CC2D2B: variants seen among roughly 807,000 people sequenced by gnomAD.
The protein encoded by CC2D2B is coiled-coil and C2 domain containing 2B, also known as protein CC2D2B.
Under a neutral mutation model 161.2 loss-of-function variants are expected in CC2D2B, and 128 were observed. The ratio of observed to expected loss-of-function variants is 0.79; its 90% confidence interval spans 0.69 to 0.92. The LOEUF is 0.92. CC2D2B is among the 40% of genes least tolerant of loss of function. CC2D2B has a pLI of 0.00. For synonymous variants in CC2D2B, 391 were observed against 449.8 expected (o/e 0.87, Z 1.65); for missense variants, 1,173 against 1,375.1 (o/e 0.85, Z 2.32).
At chr10:95,958,916 TC>T (rs2141400024) in intron 11 of CC2D2B, among the ~76,000 whole-genome samples, 1 of 151,942 alleles carries the variant, frequency 6.6e-6, no homozygotes, top group Non-Finnish European at 1.5e-5. Context: ...ATCAGTACAC[TC>T]AAAAGTTGGA....
rs766936648 is a variant in CC2D2B, at chr10:96,004,199, A to G, written c.2897A>G (p.Asp966Gly). 6.4e-7 allele frequency: 1 copy of G among 1,556,402 alleles called. No homozygotes were observed. Among genetic ancestry groups the G allele is most frequent in the Non-Finnish European group, 8.7e-7 (1 of 1,152,348 alleles). The change falls in exon 25 of 35, where the codon GAT (aspartate) becomes GGT (glycine). Residue 966 changes from aspartate (D) to glycine (G), a missense_variant. Around this residue, in one of 3 missense-constraint regions of CC2D2B, gnomAD observed 598 missense variants for 693.2 expected, o/e 0.86. Coordinates refer to ENST00000646931, the MANE Select transcript of CC2D2B (RefSeq NM_001349008.3). ...TTCTCAAGCTTATCTAAAATAAAAGATAACATATATATCAACATTTTTGAT... is the reference window on the plus strand; with the variant it reads ...TTCTCAAGCTTATCTAAAATAAAAGGTAACATATATATCAACATTTTTGAT... Reference protein sequence around the residue: ...YSFSSLSKIKDNIYINIFDEM... With the variant: ...YSFSSLSKIKGNIYINIFDEM...
intron 9 of CC2D2B, among the ~76,000 whole-genome samples, chr10:95,940,317 A>G (rs747104044): frequency 2.6e-5 from 4 of 152,180 alleles, no homozygotes; most frequent in African/African-American, 4.8e-5. Flanking sequence ...TTACAACTCA[A>G]CATGAGATTT....
chr10:95,912,690 T>G (rs562461261), intron 2 of CC2D2B, among the ~76,000 whole-genome samples: 10 of 152,318 alleles, frequency 6.6e-5, no homozygotes, highest in African/African-American at 2.4e-4. Flanking sequence ...TATTTTCATA[T>G]ATGTCTGATC....
At position 95,995,299 on chromosome 10, in the gene CC2D2B, A is replaced by T; in HGVS notation, c.2673A>T (p.Ser891=). The part of the protein sequence containing the change: ...GSLDMPTCLK[S]SISCLRHRET... ...TGGATATGCCTACTTGTTTGAAATC[A>T]TCTATATCTTGCCTCAGACATAGAG... The change falls in exon 23 of 35, where the codon TCA becomes TCT. Residue 891 remains serine, a synonymous_variant. Transcript: ENST00000646931. 5 of 1,531,914 alleles carry T rather than the reference A, an allele frequency of 3.3e-6. No homozygotes were observed. The highest frequency in any genetic ancestry group is 4.4e-6 in the Non-Finnish European group (5 of 1,144,660). 94.9% of individuals were successfully genotyped at this position (1,531,914 alleles called of 1,614,324 possible). A position where few individuals can be genotyped will look rare whatever the true frequency, so the allele number is the denominator to read the frequency against.
At chr10:96,001,823 T>C (rs2078511881) in intron 24 of CC2D2B, among the ~76,000 whole-genome samples, 1 of 152,248 alleles carries the variant, frequency 6.6e-6, no homozygotes, top group Non-Finnish European at 1.5e-5. Flanking sequence ...ATATTCTTGT[T>C]ATTTGGCTGC....
intron 2 of CC2D2B, chr10:95,918,855 A>G (rs1231408956): frequency 6.6e-6 from 1 of 152,064 alleles, no homozygotes; most frequent in Admixed American, 6.5e-5. Flanking sequence ...CCTGTCTTCA[A>G]GCTTACTGAT....
At position 96,004,058 on chromosome 10, in the gene CC2D2B, C is replaced by T. The variant is rs796124481; in HGVS notation, c.2850-94C>T. 3 of 715,078 alleles carry T rather than the reference C, an allele frequency of 4.2e-6. No individual in the cohort carries two copies. In the African/African-American group the frequency reaches 5.7e-5, roughly 14 times the overall value. The allele number at this position is 715,078 out of a possible 1,614,324, so 44.3% of individuals were successfully genotyped here. ...TTATACTTCATAAAAGAAAACAACA[C>T]AGGTAATTTTATAGTTCTTTATGAA... On this transcript the variant is annotated intron_variant, in intron 24 of 34. Coordinates refer to ENST00000646931, the MANE Select transcript of CC2D2B (RefSeq NM_001349008.3).
intron 16 of CC2D2B, among the ~76,000 whole-genome samples, chr10:95,972,461 C>T (rs1035929150): frequency 2.0e-5 from 3 of 152,102 alleles, no homozygotes; most frequent in African/African-American, 7.2e-5. Flanking sequence ...TTACAGATCC[C>T]TGCCACCACG....
rs760398440 is a variant in CC2D2B at position 96,013,772 on chromosome 10, G to T, written c.3427-16G>T. The T allele has an allele frequency of 6.6e-7, 1 of 1,511,992 alleles. No individual in the cohort carries two copies. The highest frequency in any genetic ancestry group is 1.1e-5 in the South Asian group (1 of 87,420). 93.7% of individuals were successfully genotyped at this position (1,511,992 alleles called of 1,614,324 possible). On this transcript the variant is annotated splice_polypyrimidine_tract_variant and intron_variant, in intron 28 of 34. Transcript: ENST00000646931. ...GACATACAGCACACACTCAATAAAT[G>T]TGAATATTATTCTAGGACCTCATTG... is the stretch of plus-strand genomic sequence containing the variant.
chr10:95,967,980 C>G (rs1328959821), intron 14 of CC2D2B, among the ~76,000 whole-genome samples: 2 of 152,170 alleles, frequency 1.3e-5, no homozygotes, highest in Non-Finnish European at 1.5e-5. Flanking sequence ...ATCATTAGAT[C>G]AGTTCTCTTG....
rs2141523325 is a variant in CC2D2B, at chr10:95,974,026, G to A, written c.1813G>A (p.Glu605Lys). The A allele has an allele frequency of 8.1e-7, 1 of 1,231,548 alleles. No individual in the cohort carries two copies. The highest frequency in any genetic ancestry group is 1.6e-5 in the African/African-American group (1 of 64,490). 76.3% of individuals were successfully genotyped at this position (1,231,548 alleles called of 1,614,324 possible). ...ATAAACAGATGTGCCTTTTCTTCTT[G>A]AGGGAAATGGAACTGAAGAACTCTG... Reference protein sequence around the residue: ...EVGSNVPFLLEGNGTEELCLL... With the variant: ...EVGSNVPFLLKGNGTEELCLL... Residue 605 changes from glutamate to lysine, a missense_variant, in exon 17 of 35, where the codon GAG becomes AAG. By Grantham distance (56) the Glu-to-Lys change is moderately conservative. Around this residue, in one of 3 missense-constraint regions of CC2D2B, gnomAD observed 277 missense variants for 420.6 expected, o/e 0.66. Transcript: ENST00000646931.
At chr10:95,926,427 T>C (rs1357307828) in intron 5 of CC2D2B, among the ~76,000 whole-genome samples, 2 of 152,120 alleles carry the variant, frequency 1.3e-5, no homozygotes, top group African/African-American at 4.8e-5. Flanking sequence ...TGAATAACTT[T>C]TAAGTTAATA....
chr10:95,997,410 G>A (rs2078273383), intron 24 of CC2D2B, among the ~76,000 whole-genome samples: 1 of 150,902 alleles, frequency 6.6e-6, no homozygotes, highest in African/African-American at 2.4e-5. Flanking sequence ...TTTTTAATTA[G>A]GACAGGATCT....
At chr10:95,937,941 A>G (rs1206516513) in intron 6 of CC2D2B, 50 bp from the exon 7 acceptor site, 2 of 1,087,120 alleles carry the variant, frequency 1.8e-6, no homozygotes, top group South Asian at 2.8e-5. Flanking sequence ...TTGCATATTA[A>G]TCATTGGAGA....
At chr10:95,936,526 T>A (rs1348470214) in intron 6 of CC2D2B, among the ~76,000 whole-genome samples, 1 of 152,170 alleles carries the variant, frequency 6.6e-6, no homozygotes, top group Non-Finnish European at 1.5e-5. Flanking sequence ...AAAACTCACT[T>A]GTATCCATCT....
rs919185994 is a variant in CC2D2B, at chr10:96,032,067, T to C, written c.*59T>C. 8.3e-6 allele frequency: 11 copies of C among 1,317,780 alleles called. No individual in the cohort carries two copies. Among genetic ancestry groups the C allele is most frequent in the Non-Finnish European group, 1.2e-5 (11 of 954,358 alleles). 81.6% of individuals were successfully genotyped at this position (1,317,780 alleles called of 1,614,324 possible). On this transcript the variant is annotated 3_prime_UTR_variant, in exon 35 of 35. Transcript: ENST00000646931. ...TAGTCCTCTAGTACCAACAAAAACT[T>C]TTCTGGTACCTTGAGATTTTGCTGT...
In CC2D2B at chr10:95,938,650, A is replaced by G; in HGVS notation, c.617A>G (p.Glu206Gly). ...GGATTCTATATTCAGAGAAAGCCAGAAATATACAAAAAGACCTGCAACAAA... is the reference window on the plus strand; with the variant it reads ...GGATTCTATATTCAGAGAAAGCCAGGAATATACAAAAAGACCTGCAACAAA... Reference protein sequence around the residue: ...DEGFYIQRKPEIYKKTCNKME... With the variant: ...DEGFYIQRKPGIYKKTCNKME... Residue 206 changes from glutamate to glycine, a missense_variant, in exon 8 of 35, where the codon GAA becomes GGA. Physicochemically the swap from Glu to Gly is moderately conservative, Grantham distance 98. Transcript: ENST00000646931. The G allele has an allele frequency of 1.4e-6, 1 of 714,764 alleles. No homozygotes were observed. The highest frequency in any genetic ancestry group is 2.6e-6 in the Non-Finnish European group (1 of 384,216). The allele number at this position is 714,764 out of a possible 1,614,324, so 44.3% of individuals were successfully genotyped here.
chr10:95,956,156 C>T (rs564041863), intron 11 of CC2D2B, among the ~76,000 whole-genome samples: 15 of 152,178 alleles, frequency 9.9e-5, no homozygotes, highest in African/African-American at 3.4e-4. Context: ...GGCATTGGCA[C>T]CAAACAACAG....
intron 5 of CC2D2B, among the ~76,000 whole-genome samples, chr10:95,926,720 G>A (rs2098539162): frequency 6.6e-6 from 1 of 151,910 alleles, no homozygotes; most frequent in Non-Finnish European, 1.5e-5. Context: ...TGAAAAATGA[G>A]AGCTTCTTTG....
Sources: allele counts gnomAD v4.1 joint callset (sites outside exome capture counted in the v4.1 genomes callset), GRCh38; gene constraint gnomAD v4.1.1; regional missense constraint gnomAD v4.1.1; transcripts MANE v1.5; gene names NCBI Gene and HGNC (gene_info 2026-07-23, HGNC 2026-07-21).